SLC9A2: variants seen among roughly 807,000 people sequenced by gnomAD.
SLC9A2 encodes the protein sodium/hydrogen exchanger 2.
In SLC9A2, 42 loss-of-function variants were observed where a neutral mutation model predicts 71.7. The ratio of observed to expected loss-of-function variants is 0.59; its 90% CI spans 0.46 to 0.76. SLC9A2 has a LOEUF of 0.76. Ranked by LOEUF, SLC9A2 falls within the 30% of genes least tolerant of loss-of-function variation. SLC9A2 has a pLI of 0.00. For synonymous variants in SLC9A2, 396 were observed against 392.5 expected, an observed-to-expected ratio of 1.01 and a Z score of -0.10; for missense variants, 829 against 1,017.4, an observed-to-expected ratio of 0.81 and a Z score of 2.52.
At chr2:102,690,624 T>C (rs1677640859) in intron 5 of SLC9A2, among the ~76,000 whole-genome samples, 1 of 152,106 alleles carries the variant, frequency 6.6e-6, no homozygotes. Flanking sequence ...GAAATCAGTG[T>C]GCAGCATGGA....
intron 1 of SLC9A2, among the ~76,000 whole-genome samples, chr2:102,626,174 C>T (rs1412088626): frequency 6.6e-6 from 1 of 152,198 alleles, no homozygotes; most frequent in African/African-American, 2.4e-5. Context: ...TCAAACTATA[C>T]TGCAAGGCTA....
In SLC9A2 at chr2:102,670,123, C is replaced by G. The variant is rs997984154; in HGVS notation, c.1004+4773C>G. The stretch of plus-strand genomic sequence containing the variant: ...CTCTGCTCACTGCAAGCTCACCTCC[C>G]AGGTTCACGCCATTCTCCTGCCTTA... On this transcript the variant is annotated intron_variant, in intron 3 of 11. Transcript: ENST00000233969. Among the ~76,000 whole-genome samples the G allele has an allele frequency of 4.6e-5, 7 of 151,834 alleles. No homozygotes were observed. The East Asian group carries it at 1.4e-3, about 29-fold the overall frequency.
intron 5 of SLC9A2, among the ~76,000 whole-genome samples, chr2:102,691,615 A>T (rs1422052654): frequency 2.0e-5 from 3 of 152,252 alleles, no homozygotes; most frequent in African/African-American, 7.2e-5. Flanking sequence ...GCATGATATG[A>T]CTATTGCAGG....
chr2:102,624,251 C>T (rs184199573), intron 1 of SLC9A2, among the ~76,000 whole-genome samples: 207 of 152,270 alleles, frequency 1.4e-3, no homozygotes, highest in African/African-American at 4.9e-3. Flanking sequence ...AATGTTTCCT[C>T]ATTTGTTTCT....
intron 2 of SLC9A2, among the ~76,000 whole-genome samples, chr2:102,663,808 G>A (rs1677088222): frequency 6.6e-6 from 1 of 152,176 alleles, no homozygotes; most frequent in Non-Finnish European, 1.5e-5. Context: ...CAGTCCACCT[G>A]CTTGGCTGGT....
chr2:102,678,147 T>G (rs538432864), intron 3 of SLC9A2, among the ~76,000 whole-genome samples: 3 of 152,152 alleles, frequency 2.0e-5, no homozygotes, highest in Non-Finnish European at 4.4e-5. Flanking sequence ...CAGTGTTGTG[T>G]TCCGATGATC....
At chr2:102,696,601 G>A (rs1423231979) in intron 7 of SLC9A2, among the ~76,000 whole-genome samples, 1 of 152,184 alleles carries the variant, frequency 6.6e-6, no homozygotes, top group Non-Finnish European at 1.5e-5. Context: ...ACTCCTGTGT[G>A]TGTGTATATA....
In SLC9A2 at chr2:102,709,698, G is replaced by A. The variant is rs958465091; in HGVS notation, c.*1209G>A. ...ATATAAAATTGAATTCTACTCATTA[G>A]AGTACTTTTTAAAAGTACAGCAGAA... On this transcript the variant is annotated 3_prime_UTR_variant, in exon 12 of 12. Transcript: ENST00000233969. 1 of 152,484 alleles carries A rather than the reference G, an allele frequency of 6.6e-6. No homozygotes were observed. The highest frequency in any genetic ancestry group is 2.4e-5 in the African/African-American group (1 of 41,318). The allele number at this position is 152,484 out of a possible 1,614,324, so 9.4% of individuals were successfully genotyped here.
At chr2:102,692,475 T>C (rs1677682307) in intron 5 of SLC9A2, among the ~76,000 whole-genome samples, 2 of 152,186 alleles carry the variant, frequency 1.3e-5, no homozygotes, top group African/African-American at 2.4e-5. Flanking sequence ...CCTGAAATCC[T>C]AACTACCCTT....
intron 3 of SLC9A2, among the ~76,000 whole-genome samples, chr2:102,669,346 C>G (rs1677201569): frequency 6.6e-6 from 1 of 152,194 alleles, no homozygotes. Flanking sequence ...GTTTTAGACT[C>G]AAACACTAAT....
intron 9 of SLC9A2, among the ~76,000 whole-genome samples, chr2:102,703,168 A>G (rs1424431210): frequency 6.6e-6 from 1 of 152,110 alleles, no homozygotes; most frequent in Non-Finnish European, 1.5e-5. Flanking sequence ...GTGTCCCCAT[A>G]AGGTGTCCCC....
At position 102,708,760 on chromosome 2, in the gene SLC9A2, T is replaced by C. The variant is rs941362273; in HGVS notation, c.*271T>C. ...GAGAAAAAATGGTAATGTGTGCCTTTATTGAACTTGAATGACAGAACTTGA... is the reference window on the plus strand; with the variant it reads ...GAGAAAAAATGGTAATGTGTGCCTTCATTGAACTTGAATGACAGAACTTGA... On this transcript the variant is annotated 3_prime_UTR_variant, in exon 12 of 12. Coordinates refer to ENST00000233969, the MANE Select transcript of SLC9A2 (RefSeq NM_003048.6). The C allele has an allele frequency of 4.6e-5, 17 of 366,584 alleles. No individual in the cohort carries two copies. The highest frequency in any genetic ancestry group is 3.1e-4 in the African/African-American group (15 of 47,808). The allele number at this position is 366,584 out of a possible 1,614,324, so 22.7% of individuals were successfully genotyped here. A position where few individuals can be genotyped will look rare whatever the true frequency, so the allele number is the denominator to read the frequency against.
chr2:102,694,521 G>T lies in SLC9A2; in HGVS notation c.1515+18G>T. ...ATTGTCGGGTAGGTGTTAAGAGAGT[G>T]TAATAATTTTAATGATAAAGGAAAA... On this transcript the variant is annotated intron_variant, in intron 6 of 11. Coordinates refer to ENST00000233969, the MANE Select transcript of SLC9A2 (RefSeq NM_003048.6). 7.7e-7 allele frequency: 1 copy of T among 1,304,250 alleles called. No homozygotes were observed. The highest frequency in any genetic ancestry group is 1.1e-6 in the Non-Finnish European group (1 of 940,860). 80.8% of individuals were successfully genotyped at this position (1,304,250 alleles called of 1,614,324 possible).
At chr2:102,638,632 A>G (rs989683425) in intron 1 of SLC9A2, among the ~76,000 whole-genome samples, 3 of 152,222 alleles carry the variant, frequency 2.0e-5, no homozygotes, top group Non-Finnish European at 4.4e-5. Flanking sequence ...CCTTATGCTC[A>G]CTAAAGAGAG....
At chr2:102,641,668 C>A (rs1251735744) in intron 1 of SLC9A2, among the ~76,000 whole-genome samples, 2 of 151,962 alleles carry the variant, frequency 1.3e-5, no homozygotes, top group South Asian at 4.1e-4. Context: ...ATCACCTGCT[C>A]GACATCCTTC....
chr2:102,624,130 G>T (rs1676198069), intron 1 of SLC9A2, among the ~76,000 whole-genome samples: 1 of 152,130 alleles, frequency 6.6e-6, no homozygotes, highest in Admixed American at 6.5e-5. Context: ...TAATGATGGT[G>T]ATGATGGTAA....
At chr2:102,684,083 A>G (rs927772955) in intron 4 of SLC9A2, 51 bp from the exon 5 acceptor site, 1 of 1,337,202 alleles carries the variant, frequency 7.5e-7, no homozygotes, top group Non-Finnish European at 1.1e-6. Flanking sequence ...ATGTATTTTC[A>G]TATTTTGGCC....
intron 1 of SLC9A2, 74 bp from the exon 2 acceptor site, chr2:102,657,485 TCTATC>T (rs1456866011): frequency 2.2e-6 from 2 of 893,772 alleles, no homozygotes; most frequent in African/African-American, 3.4e-5. Flanking sequence ...ACCCACTGGT[TCTATC>T]AAAGGGAACC....
rs530775410 is a variant in SLC9A2 at position 102,694,578 on chromosome 2, C to T, written c.1515+75C>T. On this transcript the variant is annotated intron_variant, in intron 6 of 11. Coordinates refer to ENST00000233969, the MANE Select transcript of SLC9A2 (RefSeq NM_003048.6). ...GAATCAGTCAAACAGCTTGGTACCA[C>T]GTTGTCCATTTCCTGAAGAAGAAGG... The T allele has an allele frequency of 8.6e-5, 56 of 652,794 alleles. No homozygotes were observed. In the South Asian group the frequency reaches 1.5e-3, roughly 17 times the overall value. The allele number at this position is 652,794 out of a possible 1,614,324, so 40.4% of individuals were successfully genotyped here.
Sources: gnomAD v4.1 joint callset for allele counts (sites outside exome capture counted in the v4.1 genomes callset) on GRCh38, gnomAD v4.1.1 for gene constraint, MANE v1.5 for transcripts, NCBI Gene and HGNC (gene_info 2026-07-23, HGNC 2026-07-21) for gene names.